FGF12: variants seen among roughly 807,000 people sequenced by gnomAD.
FGF12 encodes fibroblast growth factor 12.
Under a neutral mutation model 23.6 loss-of-function variants are expected in FGF12, and 14 were observed. That is an observed-to-expected ratio of 0.59 (90% CI 0.39 to 0.93). The LOEUF (loss-of-function observed/expected upper bound fraction) is 0.93, where lower values mean the gene tolerates loss of function less well. FGF12 is among the 40% of genes least tolerant of loss of function. FGF12 has a pLI of 0.00. For synonymous variants in FGF12, 62 were observed against 77.3 expected (o/e 0.80, Z 1.04); for missense variants, 175 against 217.8 (o/e 0.80, Z 1.24).
At chr3:192,726,961 C>T (rs902601677) in intron 2 of FGF12, 17 of 606,018 alleles carry the variant, frequency 2.8e-5, no homozygotes, top group Non-Finnish European at 4.4e-5. Context: ...CAGTTCACTA[C>T]GCAACTGATG....
chr3:192,462,286 G>A (rs866317326), intron 2 of FGF12, among the ~76,000 whole-genome samples: 26 of 152,262 alleles, frequency 1.7e-4, no homozygotes, highest in South Asian at 6.2e-4. Context: ...GTATTGAGAG[G>A]TGAGGTCTTT....
rs915748823 is a variant in FGF12, at chr3:192,140,525, A to T, written c.*3484T>A. The T allele has an allele frequency of 2.6e-5, 4 of 151,996 alleles. No homozygotes were observed. Among genetic ancestry groups the T allele is most frequent in the Admixed American group, 1.3e-4 (2 of 15,258 alleles). The allele number at this position is 151,996 out of a possible 1,614,324, so 9.4% of individuals were successfully genotyped here. ...ACCAAGAAATCAGTGCTCCCAAATT[A>T]GGAATTCCAAACTTTTCAATATGCA... On this transcript the variant is annotated 3_prime_UTR_variant, in exon 6 of 6. Coordinates refer to ENST00000445105, the MANE Select transcript of FGF12 (RefSeq NM_004113.6).
At chr3:192,680,766 G>A (rs1717498466) in intron 2 of FGF12, among the ~76,000 whole-genome samples, 1 of 152,102 alleles carries the variant, frequency 6.6e-6, no homozygotes, top group Non-Finnish European at 1.5e-5. Flanking sequence ...AAATCCATTA[G>A]GAAGTATATT....
intron 2 of FGF12, among the ~76,000 whole-genome samples, chr3:192,652,447 C>T (rs1004324363): frequency 1.8e-4 from 27 of 152,170 alleles, no homozygotes; most frequent in Non-Finnish European, 3.1e-4. Context: ...TCGTTTTGTT[C>T]AGAGAAAGCC....
intron 4 of FGF12, among the ~76,000 whole-genome samples, chr3:192,188,408 T>C (rs1577216883): frequency 6.6e-6 from 1 of 152,178 alleles, no homozygotes; most frequent in Non-Finnish European, 1.5e-5. Flanking sequence ...AATTAGAGAA[T>C]GCCGCCACTA....
intron 4 of FGF12, among the ~76,000 whole-genome samples, chr3:192,330,282 A>AAAAT (rs1181560456): frequency 6.6e-6 from 1 of 152,178 alleles, no homozygotes; most frequent in African/African-American, 2.4e-5. Context: ...ATCTTAAGAA[A>AAAAT]AAATAAATAA....
intron 2 of FGF12, among the ~76,000 whole-genome samples, chr3:192,654,395 A>T (rs1337924443): frequency 6.8e-6 from 1 of 147,956 alleles, no homozygotes; most frequent in Non-Finnish European, 1.5e-5. Context: ...AGAATGGCTA[A>T]AATCTGATCT....
chr3:192,417,710 G>A (rs1200946434), intron 2 of FGF12, among the ~76,000 whole-genome samples: 1 of 151,994 alleles, frequency 6.6e-6, no homozygotes, highest in African/African-American at 2.4e-5. Flanking sequence ...ATCTAGGAGA[G>A]TTTCCCTTAT....
At chr3:192,258,602 T>TAATC (rs1427699144) in intron 4 of FGF12, among the ~76,000 whole-genome samples, 2 of 152,204 alleles carry the variant, frequency 1.3e-5, no homozygotes. Context: ...TTGGATACCT[T>TAATC]AATCTTTTGC....
At chr3:192,216,164 A>G (rs556919151) in intron 4 of FGF12, among the ~76,000 whole-genome samples, 80 of 152,328 alleles carry the variant, frequency 5.3e-4, no homozygotes, top group Non-Finnish European at 1.0e-3. Flanking sequence ...ATATTCAATG[A>G]CAGAAAAACA....
At chr3:192,578,856 C>T (rs907261773) in intron 2 of FGF12, among the ~76,000 whole-genome samples, 2 of 152,140 alleles carry the variant, frequency 1.3e-5, no homozygotes, top group African/African-American at 4.8e-5. Flanking sequence ...TTCCCACCTG[C>T]AAAGGAACAG....
intron 4 of FGF12, among the ~76,000 whole-genome samples, chr3:192,288,749 G>T (rs1714599175): frequency 6.6e-6 from 1 of 152,066 alleles, no homozygotes; most frequent in Admixed American, 6.6e-5. Flanking sequence ...CCCAAAACTA[G>T]TTTGTGCTGG....
At chr3:192,553,198 A>G (rs1711607505) in intron 2 of FGF12, among the ~76,000 whole-genome samples, 1 of 152,144 alleles carries the variant, frequency 6.6e-6, no homozygotes, top group Non-Finnish European at 1.5e-5. Flanking sequence ...TGCTGAATAT[A>G]TGAATCTATA....
At chr3:192,194,349 G>C (rs1031856071) in intron 4 of FGF12, among the ~76,000 whole-genome samples, 1 of 152,156 alleles carries the variant, frequency 6.6e-6, no homozygotes, top group African/African-American at 2.4e-5. Context: ...AGAGGATCAG[G>C]TGGTAACTAA....
chr3:192,353,369 T>C (rs1718313246), intron 3 of FGF12, among the ~76,000 whole-genome samples: 1 of 139,134 alleles, frequency 7.2e-6, no homozygotes, highest in Admixed American at 7.1e-5. Context: ...CAGAAGTCTT[T>C]TTTTTTTTTT....
intron 2 of FGF12, among the ~76,000 whole-genome samples, chr3:192,523,465 G>C (rs922543200): frequency 1.3e-5 from 2 of 152,112 alleles, no homozygotes; most frequent in East Asian, 3.9e-4. Context: ...CCATGTGATT[G>C]TTATAAACCA....
intron 2 of FGF12, among the ~76,000 whole-genome samples, chr3:192,488,674 G>A (rs1723709854): frequency 6.6e-6 from 1 of 151,982 alleles, no homozygotes; most frequent in African/African-American, 2.4e-5. Flanking sequence ...AGCCTTAATT[G>A]GATGAGAACC....
In FGF12 at chr3:192,408,143, G is replaced by C; in HGVS notation, c.14-47605C>G. 6.2e-7 allele frequency: 1 copy of C among 1,612,246 alleles called. No homozygotes were observed. Among genetic ancestry groups the C allele is most frequent in the Non-Finnish European group, 8.5e-7 (1 of 1,179,956 alleles). On this transcript the variant is annotated intron_variant, in intron 2 of 5. Coordinates refer to ENST00000445105, the MANE Select transcript of FGF12 (RefSeq NM_004113.6). This position sits in a 1 kb window ranked among gnomAD's most constrained non-coding sequence, Gnocchi z 7.3. The stretch of plus-strand genomic sequence containing the variant: ...CTTTGCTGGGGCTGGAGCGGCGCTT[G>C]GAGGCCGACACTCGGTCGCTGTTGG...
At chr3:192,316,423 G>A (rs1417815743) in intron 4 of FGF12, among the ~76,000 whole-genome samples, 1 of 152,160 alleles carries the variant, frequency 6.6e-6, no homozygotes, top group Non-Finnish European at 1.5e-5. Flanking sequence ...ATTAGTGGCT[G>A]CATGGCATGG....
Sources: gnomAD v4.1 joint callset for allele counts (sites outside exome capture counted in the v4.1 genomes callset) on GRCh38, gnomAD v4.1.1 for gene constraint, Gnocchi (gnomAD v3.1) non-coding constraint, MANE v1.5 for transcripts, NCBI Gene and HGNC (gene_info 2026-07-23, HGNC 2026-07-21) for gene names.